PTPN5: variants seen among roughly 807,000 people sequenced by gnomAD.
The protein encoded by PTPN5 is tyrosine-protein phosphatase non-receptor type 5.
Under a neutral mutation model 73.9 loss-of-function variants are expected in PTPN5, and 29 were observed. The ratio of observed to expected loss-of-function variants is 0.39; its 90% CI spans 0.29 to 0.54. PTPN5 has a LOEUF of 0.54. Ranked by LOEUF, PTPN5 falls within the 20% of genes least tolerant of loss-of-function variation. The pLI is 0.65. For synonymous variants in PTPN5, 267 were observed against 304.7 expected, an observed-to-expected ratio of 0.88 and a Z score of 1.29; for missense variants, 652 against 751.4, an observed-to-expected ratio of 0.87 and a Z score of 1.55.
chr11:18,777,538 G>C (rs1352610255), intron 1 of PTPN5, among the ~76,000 whole-genome samples: 6 of 152,234 alleles, frequency 3.9e-5, no homozygotes, highest in South Asian at 2.1e-4. Flanking sequence ...ACTCTGGGAT[G>C]AATCTTGCGG....
chr11:18,790,057 T>C (rs1395828538), intron 1 of PTPN5, among the ~76,000 whole-genome samples: 2 of 151,888 alleles, frequency 1.3e-5, no homozygotes, highest in African/African-American at 4.8e-5. Flanking sequence ...ACTCCATCCC[T>C]TCACCATCCG....
intron 12 of PTPN5, among the ~76,000 whole-genome samples, chr11:18,731,690 G>T (rs562198221): frequency 6.6e-6 from 1 of 152,170 alleles, no homozygotes; most frequent in Admixed American, 6.5e-5. Context: ...AGCTGCTTGT[G>T]GGGGCACTGC....
At chr11:18,765,554 A>G (rs151068115) in intron 3 of PTPN5, among the ~76,000 whole-genome samples, 1 of 152,010 alleles carries the variant, frequency 6.6e-6, no homozygotes, top group African/African-American at 2.4e-5. Context: ...CCTTCTTTTC[A>G]CTTCCTAGCA....
intron 3 of PTPN5, among the ~76,000 whole-genome samples, chr11:18,763,549 G>A (rs1309312011): frequency 7.2e-5 from 11 of 152,210 alleles, no homozygotes; most frequent in Admixed American, 7.2e-4. Flanking sequence ...GGGAGAAATG[G>A]GAGAGAACAT....
chr11:18,770,701 G>A (rs530865789), intron 2 of PTPN5, among the ~76,000 whole-genome samples: 1 of 152,252 alleles, frequency 6.6e-6, no homozygotes, highest in South Asian at 2.1e-4. Context: ...AAAATATGGT[G>A]GTCAGACTCC....
Position 18,780,600 on chromosome 11 carries a change from C to T in PTPN5, c.-113-8529G>A, listed in dbSNP as rs563710245. Among the ~76,000 whole-genome samples, 6 of 152,286 alleles carry T rather than the reference C, an allele frequency of 3.9e-5. No individual in the cohort carries two copies. In the South Asian group the frequency reaches 1.0e-3, roughly 26 times the overall value. On this transcript the variant is annotated intron_variant, in intron 1 of 14. Coordinates refer to ENST00000358540, the MANE Select transcript of PTPN5 (RefSeq NM_006906.2). Reference sequence around the variant, plus strand: ...GCCCAGGTCTCCTCCAGGAAACCTCCCTAGTGAGTCTAGGGTGTGTTGACC... The same window carrying T: ...GCCCAGGTCTCCTCCAGGAAACCTCTCTAGTGAGTCTAGGGTGTGTTGACC...
chr11:18,744,202 G>C lies in PTPN5; in HGVS notation c.98-3C>G, dbSNP rs769847663. The C allele has an allele frequency of 6.5e-7, 1 of 1,532,436 alleles. No homozygotes were observed. Among genetic ancestry groups the C allele is most frequent in the Non-Finnish European group, 8.7e-7 (1 of 1,143,520 alleles). The allele number at this position is 1,532,436 out of a possible 1,614,324, so 94.9% of individuals were successfully genotyped here. On this transcript the variant is annotated splice_polypyrimidine_tract_variant and splice_region_variant and intron_variant, in intron 3 of 14. Transcript: ENST00000358540. ...CATCACTATCGGCTGGGGGAGACCT[G>C]TGGAAGATGGGCCATGCGGGCCGAT...
intron 1 of PTPN5, among the ~76,000 whole-genome samples, chr11:18,787,317 A>ACATTCATT (rs35970048): frequency 1.3e-5 from 2 of 151,822 alleles, no homozygotes; most frequent in African/African-American, 2.4e-5. Flanking sequence ...GTCATTTCCA[A>ACATTCATT]CATTCATTCA....
intron 12 of PTPN5, 116 bp downstream of exon 12, chr11:18,732,476 G>A: frequency 1.3e-6 from 1 of 745,600 alleles, no homozygotes; most frequent in South Asian, 1.7e-5. Flanking sequence ...AAATCTGGGA[G>A]TGACACTGGC....
At chr11:18,786,783 C>T (rs796521515) in intron 1 of PTPN5, among the ~76,000 whole-genome samples, 11 of 152,268 alleles carry the variant, frequency 7.2e-5, no homozygotes, top group African/African-American at 2.4e-4. Context: ...ACCTGTAGAT[C>T]CATTTCAACA....
At chr11:18,747,212 G>A (rs558815528) in intron 3 of PTPN5, among the ~76,000 whole-genome samples, 44 of 151,504 alleles carry the variant, frequency 2.9e-4, no homozygotes, top group African/African-American at 7.3e-4. Flanking sequence ...GTGCAGTGGC[G>A]TGATCTCGGC....
intron 3 of PTPN5, among the ~76,000 whole-genome samples, chr11:18,757,393 CT>C (rs371815964): frequency 1.3e-4 from 20 of 152,288 alleles, no homozygotes; most frequent in African/African-American, 4.1e-4. Context: ...TGATCTCACA[CT>C]TTGAAGGGCC....
intron 1 of PTPN5, among the ~76,000 whole-genome samples, chr11:18,790,018 A>G (rs1273610770): frequency 6.6e-6 from 1 of 151,864 alleles, no homozygotes; most frequent in Admixed American, 6.6e-5. Context: ...CTTGCCAACT[A>G]TTCCATCCAG....
At chr11:18,775,658 G>A (rs2134334508) in intron 1 of PTPN5, among the ~76,000 whole-genome samples, 1 of 152,304 alleles carries the variant, frequency 6.6e-6, no homozygotes, top group African/African-American at 2.4e-5. Flanking sequence ...ACACTCACTG[G>A]CCCAGGGCCC....
intron 9 of PTPN5, among the ~76,000 whole-genome samples, chr11:18,736,413 G>A (rs1849114538): frequency 6.6e-6 from 1 of 152,230 alleles, no homozygotes; most frequent in Admixed American, 6.5e-5. Context: ...GTGGGTTACT[G>A]TTCACTCTGA....
intron 1 of PTPN5, among the ~76,000 whole-genome samples, chr11:18,784,537 C>A (rs191546996): frequency 1.3e-5 from 2 of 152,236 alleles, no homozygotes; most frequent in African/African-American, 4.8e-5. Context: ...GCGATTCAGT[C>A]TGGGAAGATA....
rs962019377 is a variant in PTPN5, at chr11:18,743,577, G to A, written c.292-148C>T. ...ACCGGGCAGCTGAGAGCAGGGCCCC[G>A]GTGCTGCGTGCCCGGGGAGGCCTCA... is the stretch of plus-strand genomic sequence containing the variant. On this transcript the variant is annotated intron_variant, in intron 4 of 14. Transcript: ENST00000358540. 6.0e-5 allele frequency: 41 copies of A among 687,208 alleles called. 1 individual carries two copies. Among genetic ancestry groups the A allele is most frequent in the Admixed American group, 1.3e-4 (5 of 39,380 alleles). 42.6% of individuals were successfully genotyped at this position (687,208 alleles called of 1,614,324 possible).
intron 9 of PTPN5, among the ~76,000 whole-genome samples, chr11:18,734,979 T>C (rs762943768): frequency 1.4e-4 from 22 of 152,230 alleles, no homozygotes; most frequent in Non-Finnish European, 2.8e-4. Context: ...AGTGTCAACA[T>C]GGACAATTTA....
chr11:18,779,511 A>C (rs1215718773), intron 1 of PTPN5, among the ~76,000 whole-genome samples: 2 of 152,190 alleles, frequency 1.3e-5, no homozygotes, highest in African/African-American at 4.8e-5. Flanking sequence ...TTATTTCATT[A>C]GCTCTTTGAG....
Sources: gnomAD v4.1 joint callset for allele counts (sites outside exome capture counted in the v4.1 genomes callset) on GRCh38, gnomAD v4.1.1 for gene constraint, MANE v1.5 for transcripts, NCBI Gene and HGNC (gene_info 2026-07-23, HGNC 2026-07-21) for gene names.